CAPN8: variants seen among roughly 807,000 people sequenced by gnomAD.
The protein encoded by CAPN8 is calpain 8.
In CAPN8, 87 loss-of-function variants were observed where a neutral mutation model predicts 80.9. The ratio of observed to expected loss-of-function variants is 1.07; its 90% CI spans 0.90 to 1.28. The LOEUF is 1.28. Among genes scored for constraint, CAPN8 ranks in the 50% most tolerant of loss-of-function variants. The probability of loss-of-function intolerance (pLI) is 0.00; values close to 1 mark genes in which losing one functional copy is unlikely to be tolerated. For missense variants in CAPN8, 757 were observed against 702.0 expected, an observed-to-expected ratio of 1.08 and a Z score of -0.89; for synonymous variants, 299 against 273.8, an observed-to-expected ratio of 1.09 and a Z score of -0.91.
intron 2 of CAPN8, among the ~76,000 whole-genome samples, chr1:223,641,995 C>T (rs553721937): frequency 6.6e-6 from 1 of 152,216 alleles, no homozygotes; most frequent in Non-Finnish European, 1.5e-5. Flanking sequence ...CGTGGGCCCA[C>T]CTCCTACTGT....
chr1:223,613,365 T>C (rs555657347), intron 10 of CAPN8, among the ~76,000 whole-genome samples: 1 of 152,362 alleles, frequency 6.6e-6, no homozygotes, highest in East Asian at 1.9e-4. Context: ...TATCTTCCTG[T>C]CAGCTCCTGG....
chr1:223,650,599 G>A (rs1307984991), intron 2 of CAPN8, among the ~76,000 whole-genome samples: 28 of 152,198 alleles, frequency 1.8e-4, no homozygotes, highest in Admixed American at 1.8e-3. Flanking sequence ...AAGCCAACCT[G>A]TAGATACCAA....
chr1:223,636,984 C>G (rs1327271412), intron 2 of CAPN8, among the ~76,000 whole-genome samples: 1 of 152,170 alleles, frequency 6.6e-6, no homozygotes, highest in Non-Finnish European at 1.5e-5. Context: ...TTTTGGCATT[C>G]AAAGGAAGGC....
At chr1:223,543,513 G>A (rs1259242117) in intron 19 of CAPN8, among the ~76,000 whole-genome samples, 1 of 152,152 alleles carries the variant, frequency 6.6e-6, no homozygotes, top group Non-Finnish European at 1.5e-5. Context: ...GGGTAATCCA[G>A]TCCCTTAGCT....
intron 7 of CAPN8, among the ~76,000 whole-genome samples, chr1:223,622,431 G>A (rs1327100610): frequency 6.6e-6 from 1 of 152,210 alleles, no homozygotes; most frequent in Non-Finnish European, 1.5e-5. Flanking sequence ...TCTTCTTGGT[G>A]CTGAGGGGTT....
At chr1:223,543,210 T>C in intron 19 of CAPN8, 44 bp from the exon 20 acceptor site, 1 of 1,547,358 alleles carries the variant, frequency 6.5e-7, no homozygotes, top group Non-Finnish European at 8.7e-7. Context: ...AGGCTGTTCC[T>C]GGACTTTGGA....
Position 223,639,600 on chromosome 1 carries a change from A to G in CAPN8, c.308-10820T>C, listed in dbSNP as rs1657994012. Among the ~76,000 whole-genome samples, 3 of 152,230 alleles carry G rather than the reference A, an allele frequency of 2.0e-5. No individual in the cohort carries two copies. The South Asian group carries it at 6.2e-4, about 31-fold the overall frequency. ...CACTGTAATCAATCAAATGTGTTGT[A>G]TTTGTCTTACTTCCATATTCAGCCT... On this transcript the variant is annotated intron_variant, in intron 2 of 20. Transcript: ENST00000366872.
At chr1:223,652,646 C>G (rs1658372757) in intron 2 of CAPN8, among the ~76,000 whole-genome samples, 1 of 152,172 alleles carries the variant, frequency 6.6e-6, no homozygotes, top group South Asian at 2.1e-4. Flanking sequence ...CCCTGACGCT[C>G]TGGGTTATAG....
At chr1:223,611,306 A>T (rs746700940) in intron 11 of CAPN8, among the ~76,000 whole-genome samples, 1 of 152,206 alleles carries the variant, frequency 6.6e-6, no homozygotes, top group South Asian at 2.1e-4. Flanking sequence ...CATGAGACAT[A>T]CCCACCAGTG....
At chr1:223,651,972 G>A (rs957232602) in intron 2 of CAPN8, among the ~76,000 whole-genome samples, 1 of 152,234 alleles carries the variant, frequency 6.6e-6, no homozygotes, top group East Asian at 1.9e-4. Flanking sequence ...AGTGAGCAAC[G>A]GAGTCAGTGG....
chr1:223,610,532 A>G (rs3890758), intron 11 of CAPN8, among the ~76,000 whole-genome samples: 50,575 of 152,102 alleles, frequency 0.33, 9,177 homozygotes, highest in African/African-American at 0.49. Flanking sequence ...GGGAGGAGAC[A>G]GGGCACTGGT....
chr1:223,638,069 G>A (rs753556436), intron 2 of CAPN8, among the ~76,000 whole-genome samples: 1 of 152,084 alleles, frequency 6.6e-6, no homozygotes, highest in Non-Finnish European at 1.5e-5. Context: ...ACCAACTGCA[G>A]GTTGAAAATA....
intron 18 of CAPN8, chr1:223,544,406 G>T: frequency 3.4e-6 from 2 of 588,178 alleles, no homozygotes; most frequent in Non-Finnish European, 6.1e-6. Context: ...TCCAGGTCCA[G>T]CGCTAGTACC....
At chr1:223,644,396 T>C (rs1201726073) in intron 2 of CAPN8, 1 of 156,884 alleles carries the variant, frequency 6.4e-6, no homozygotes, top group African/African-American at 2.4e-5. Context: ...TGGAAATTCC[T>C]AGATTTCTGA....
At chr1:223,549,227 C>G (rs1213554028) in intron 16 of CAPN8, 91 bp downstream of exon 16, 2 of 1,492,630 alleles carry the variant, frequency 1.3e-6, no homozygotes, top group Non-Finnish European at 1.8e-6. Context: ...ATTTTTTACC[C>G]GTCCCTTCCT....
At chr1:223,549,243 C>T in intron 16 of CAPN8, 75 bp downstream of exon 16, 2 of 1,520,812 alleles carry the variant, frequency 1.3e-6, no homozygotes, top group Non-Finnish European at 1.8e-6. Context: ...TTCCTTCTAA[C>T]TGGAAAAGGT....
At chr1:223,555,531 T>C (rs1198942574) in intron 13 of CAPN8, among the ~76,000 whole-genome samples, 5 of 152,252 alleles carry the variant, frequency 3.3e-5, no homozygotes, top group African/African-American at 1.2e-4. Context: ...TATATGATTT[T>C]AAAGTGGTTT....
chr1:223,641,943 C>G (rs1351116369), intron 2 of CAPN8, among the ~76,000 whole-genome samples: 1 of 152,198 alleles, frequency 6.6e-6, no homozygotes, highest in African/African-American at 2.4e-5. Context: ...CTCCTGTAAG[C>G]ATCCACAACC....
At position 223,544,181 on chromosome 1, in the gene CAPN8, A is replaced by G; in HGVS notation, c.1915T>C (p.Phe639Leu). 1 of 717,956 alleles carries G rather than the reference A, an allele frequency of 1.4e-6. No homozygotes were observed. Among genetic ancestry groups the G allele is most frequent in the Non-Finnish European group, 2.6e-6 (1 of 385,062 alleles). 44.5% of individuals were successfully genotyped at this position (717,956 alleles called of 1,614,324 possible). ...TGCTGCACCTGGCTGTTGAGGGTGA[A>G]ACCTGAGGGCAGAGGGAGCCTGGGT... The part of the protein sequence containing the change: ...EMRTALRKAG[F>L]TLNSQVQQTI... Residue 639 changes from phenylalanine to leucine, a missense_variant and splice_region_variant, in exon 19 of 21, where the codon TTC becomes CTC. By Grantham distance (22) the Phe-to-Leu change is conservative. Coordinates refer to ENST00000366872, the MANE Select transcript of CAPN8 (RefSeq NM_001143962.2).
Sources: allele counts gnomAD v4.1 joint callset (sites outside exome capture counted in the v4.1 genomes callset), GRCh38; gene constraint gnomAD v4.1.1; transcripts MANE v1.5; gene names NCBI Gene and HGNC (gene_info 2026-07-23, HGNC 2026-07-21).